The following GRID2 variants were observed in gnomAD, a reference collection of about 807,000 sequenced individuals.
GRID2 encodes glutamate ionotropic receptor delta type subunit 2, also known as glutamate receptor ionotropic, delta-2.
A neutral mutation model predicts 114.8 loss-of-function variants in GRID2; 33 were observed. The ratio of observed to expected loss-of-function variants is 0.29; its 90% CI spans 0.22 to 0.38. The LOEUF is 0.38. Ranked by LOEUF, GRID2 falls within the 10% of genes least tolerant of loss-of-function variation. GRID2 has a pLI of 1.00. For synonymous variants in GRID2, 505 were observed against 449.9 expected (o/e 1.12, Z -1.55); for missense variants, 1,184 against 1,257.7 (o/e 0.94, Z 0.89).
At chr4:92,487,144 T>C (rs533314225) in intron 1 of GRID2, among the ~76,000 whole-genome samples, 31 of 152,130 alleles carry the variant, frequency 2.0e-4, no homozygotes, top group African/African-American at 6.7e-4. Context: ...CATTTTCCTA[T>C]TGCGTTTCTG....
intron 1 of GRID2, among the ~76,000 whole-genome samples, chr4:92,462,504 T>C (rs765686127): frequency 3.9e-5 from 6 of 152,004 alleles, no homozygotes; most frequent in Non-Finnish European, 8.8e-5. Flanking sequence ...ATAAAGTTAG[T>C]GTTCTCAATT....
At chr4:93,234,995 C>T (rs965402486) in intron 7 of GRID2, among the ~76,000 whole-genome samples, 67 of 151,988 alleles carry the variant, frequency 4.4e-4, no homozygotes, top group African/African-American at 1.4e-3. Context: ...CCATTTCAAG[C>T]GTAGGAAAAG....
intron 2 of GRID2, among the ~76,000 whole-genome samples, chr4:92,663,159 T>TA (rs1165313721): frequency 6.6e-6 from 1 of 151,002 alleles, no homozygotes. Context: ...CTTGATACTC[T>TA]AAAAAGAAAC....
chr4:92,599,808 C>T (rs1016200660), intron 2 of GRID2, among the ~76,000 whole-genome samples: 10 of 151,684 alleles, frequency 6.6e-5, no homozygotes, highest in African/African-American at 2.2e-4. Flanking sequence ...AGATGGATCA[C>T]GAGGTCAAGA....
chr4:93,006,102 C>A (rs1466787790), intron 2 of GRID2, among the ~76,000 whole-genome samples: 1 of 152,032 alleles, frequency 6.6e-6, no homozygotes, highest in Non-Finnish European at 1.5e-5. Flanking sequence ...TTCCCTTCCA[C>A]TCTATCCAAG....
Position 93,455,842 on chromosome 4 carries a change from A to G in GRID2, c.1726A>G (p.Thr576Ala). ...CTCTCTATGGGCTTGCATTGCTGGCACAGTCCTTCTGGTGGGTCTACTGGT... is the reference window on the plus strand; with the variant it reads ...CTCTCTATGGGCTTGCATTGCTGGCGCAGTCCTTCTGGTGGGTCTACTGGT... ...DLSLWACIAGTVLLVGLLVYL... is the reference protein window; with the variant it reads ...DLSLWACIAGAVLLVGLLVYL... The change falls in exon 11 of 16, where the codon ACA (threonine) becomes GCA (alanine). Residue 576 changes from threonine to alanine, a missense_variant. Thr to Ala is a moderately conservative substitution (Grantham distance 58). Transcript: ENST00000282020. The G allele has an allele frequency of 6.2e-7, 1 of 1,612,974 alleles. No individual in the cohort carries two copies. Among genetic ancestry groups the G allele is most frequent in the Non-Finnish European group, 8.5e-7 (1 of 1,178,994 alleles).
intron 14 of GRID2, among the ~76,000 whole-genome samples, chr4:93,692,956 G>A (rs370345389): frequency 5.3e-5 from 8 of 152,210 alleles, no homozygotes; most frequent in African/African-American, 1.7e-4. Flanking sequence ...TCATTATTTA[G>A]TGCAATATAA....
intron 2 of GRID2, among the ~76,000 whole-genome samples, chr4:92,736,976 C>T (rs1736630342): frequency 6.6e-6 from 1 of 151,986 alleles, no homozygotes; most frequent in Admixed American, 6.6e-5. Flanking sequence ...GAGAACATTC[C>T]AGACAGACAT....
At chr4:93,111,103 C>T (rs1363776879) in intron 4 of GRID2, 150 bp downstream of exon 4, 1 of 616,828 alleles carries the variant, frequency 1.6e-6, no homozygotes, top group Non-Finnish European at 2.9e-6. Context: ...TAGTGAATGC[C>T]TCACTTATCT....
At chr4:93,591,945 CT>C (rs1211594979) in intron 13 of GRID2, among the ~76,000 whole-genome samples, 5 of 152,052 alleles carry the variant, frequency 3.3e-5, no homozygotes, top group Non-Finnish European at 1.5e-5. Flanking sequence ...ATTCTTTTCT[CT>C]TTTTTTCTTT....
At chr4:93,239,009 A>T (rs1747146171) in intron 8 of GRID2, among the ~76,000 whole-genome samples, 1 of 151,060 alleles carries the variant, frequency 6.6e-6, no homozygotes, top group Admixed American at 6.6e-5. Flanking sequence ...GAAGAAGCTG[A>T]GTGCCAATAA....
chr4:92,735,559 G>T (rs922667966), intron 2 of GRID2, among the ~76,000 whole-genome samples: 1 of 152,086 alleles, frequency 6.6e-6, no homozygotes, highest in Non-Finnish European at 1.5e-5. Context: ...GGAAATAAAA[G>T]TATAATCTTC....
intron 2 of GRID2, among the ~76,000 whole-genome samples, chr4:92,899,482 C>T (rs958246034): frequency 6.6e-5 from 10 of 152,234 alleles, no homozygotes; most frequent in Admixed American, 2.0e-4. Context: ...CATTATATAA[C>T]CTAGGATAAA....
At chr4:93,708,906 A>G (rs1728240735) in intron 14 of GRID2, among the ~76,000 whole-genome samples, 1 of 152,060 alleles carries the variant, frequency 6.6e-6, no homozygotes, top group Admixed American at 6.6e-5. Flanking sequence ...TGCAAATAAC[A>G]TCTTATAACC....
rs141336643 is a variant in GRID2, at chr4:93,242,037, C to T, written c.1245+3547C>T. On this transcript the variant is annotated intron_variant, in intron 8 of 15. Coordinates refer to ENST00000282020, the MANE Select transcript of GRID2 (RefSeq NM_001510.4). ...AGATGGAGTACTTAACCATAGGCAC[C>T]GGGGAACATCATTTTCCAGGGTGAT... Among the ~76,000 whole-genome samples the T allele has an allele frequency of 3.6e-3, 552 of 151,598 alleles. 3 individuals carry two copies. The highest frequency in any genetic ancestry group is 0.013 in the African/African-American group (523 of 41,404).
chr4:92,736,956 G>A (rs1736629789), intron 2 of GRID2, among the ~76,000 whole-genome samples: 1 of 152,056 alleles, frequency 6.6e-6, no homozygotes, highest in Non-Finnish European at 1.5e-5. Flanking sequence ...GGACAGAGAG[G>A]ATGTGGGGAG....
intron 1 of GRID2, among the ~76,000 whole-genome samples, chr4:92,311,610 AT>A (rs1334137693): frequency 5.3e-5 from 8 of 152,096 alleles, no homozygotes; most frequent in Non-Finnish European, 1.2e-4. Context: ...ATTTTAAAAA[AT>A]AATCTCATTT....
chr4:92,450,914 A>G (rs1720891221), intron 1 of GRID2, among the ~76,000 whole-genome samples: 2 of 146,432 alleles, frequency 1.4e-5, no homozygotes, highest in East Asian at 2.0e-4. Context: ...AAATAAAATA[A>G]TATTTAAATA....
At chr4:93,564,657 C>A (rs577833506) in intron 13 of GRID2, among the ~76,000 whole-genome samples, 2 of 152,070 alleles carry the variant, frequency 1.3e-5, no homozygotes, top group African/African-American at 4.8e-5. Context: ...CCATGCTGTA[C>A]TTTATGTATT....
Sources: gnomAD v4.1 joint callset for allele counts (sites outside exome capture counted in the v4.1 genomes callset) on GRCh38, gnomAD v4.1.1 for gene constraint, MANE v1.5 for transcripts, NCBI Gene and HGNC (gene_info 2026-07-23, HGNC 2026-07-21) for gene names.